Variants in MAP3K10 observed in about 807,000 individuals in gnomAD.
MAP3K10 encodes mitogen-activated protein kinase kinase kinase 10.
A neutral mutation model predicts 75.0 loss-of-function variants in MAP3K10; 22 were observed. That is an observed-to-expected ratio of 0.29 (90% CI 0.21 to 0.42). The LOEUF (loss-of-function observed/expected upper bound fraction) is 0.42, where lower values mean the gene tolerates loss of function less well. MAP3K10 is among the 10% of genes least tolerant of loss of function. The probability of loss-of-function intolerance (pLI) is 1.00; values close to 1 mark genes in which losing one functional copy is unlikely to be tolerated. For synonymous variants in MAP3K10, 599 were observed against 612.9 expected (o/e 0.98, Z 0.34); for missense variants, 1,165 against 1,379.8 (o/e 0.84, Z 2.47).
At chr19:40,208,363 T>TTTTTTTTTTTTTTTTTTTA (rs1555756664) in intron 5 of MAP3K10, among the ~76,000 whole-genome samples, 13 of 111,924 alleles carry the variant, frequency 1.2e-4, no homozygotes, top group African/African-American at 2.5e-4. Context: ...TTTTTTTTTT[T>TTTTTTTTTTTTTTTTTTTA]TTTTTTGTAT....
rs1438297617 is a variant in MAP3K10 at position 40,198,185 on chromosome 19, C to G, written c.683-190C>G. 6.6e-6 allele frequency among the ~76,000 whole-genome samples: 1 copy of G among 152,114 alleles called. No homozygotes were observed. Among genetic ancestry groups the G allele is most frequent in the African/African-American group, 2.4e-5 (1 of 41,418 alleles). ...GGAGCTCCCTACTCCCTCATGGGAG[C>G]CTGGGACAGGGATTAGACCTGGGCG... On this transcript the variant is annotated intron_variant, in intron 1 of 9. Coordinates refer to ENST00000253055, the MANE Select transcript of MAP3K10 (RefSeq NM_002446.4). The surrounding 1 kb of genome is among the most constrained non-coding windows in gnomAD (Gnocchi z 4.3).
chr19:40,201,875 G>A (rs1241142973), intron 2 of MAP3K10, among the ~76,000 whole-genome samples: 2 of 145,522 alleles, frequency 1.4e-5, no homozygotes, highest in African/African-American at 5.1e-5. Flanking sequence ...AGGTATACAT[G>A]TGCCATGGTA....
chr19:40,208,378 A>C (rs1236130679), intron 5 of MAP3K10, among the ~76,000 whole-genome samples: 1 of 20,526 alleles, frequency 4.9e-5, no homozygotes, highest in Non-Finnish European at 1.3e-4. Flanking sequence ...TTGTATTTTT[A>C]GTAGAGACAG....
chr19:40,210,269 A>AAAAAAC (rs1163284243), intron 6 of MAP3K10, among the ~76,000 whole-genome samples: 2 of 151,982 alleles, frequency 1.3e-5, no homozygotes, highest in Non-Finnish European at 1.5e-5. Flanking sequence ...TCCGTCTCAA[A>AAAAAAC]AAAAACAAAA....
intron 9 of MAP3K10, among the ~76,000 whole-genome samples, chr19:40,214,636 T>G (rs970483839): frequency 6.6e-6 from 1 of 152,182 alleles, no homozygotes; most frequent in African/African-American, 2.4e-5. Flanking sequence ...GGCACCATTT[T>G]TATCCCCCTT....
Position 40,214,149 on chromosome 19 carries a change from G to T in MAP3K10, c.2470G>T (p.Gly824Trp). 1 of 1,535,690 alleles carries T rather than the reference G, an allele frequency of 6.5e-7. No individual in the cohort carries two copies. Among genetic ancestry groups the T allele is most frequent in the Non-Finnish European group, 8.7e-7 (1 of 1,150,078 alleles). Reference sequence around the variant, plus strand: ...CACGGCTGCATGCGCTGTGAGCCGCGGGCACCGGCGGACGCCATCGGACGG... The same window carrying T: ...CACGGCTGCATGCGCTGTGAGCCGCTGGCACCGGCGGACGCCATCGGACGG... ...HVTAACAVSR[G>W]HRRTPSDGAL... is the part of the protein sequence containing the mutation. The change falls in exon 9 of 10, where the codon GGG (glycine) becomes TGG (tryptophan). Residue 824 changes from glycine to tryptophan, a missense_variant. Transcript: ENST00000253055.
rs779334929 is a variant in MAP3K10, at chr19:40,213,083, G to T, written c.1732G>T (p.Gly578Trp). The change falls in exon 8 of 10, where the codon GGG (glycine) becomes TGG (tryptophan). Residue 578 changes from glycine (G) to tryptophan (W), a missense_variant. Transcript: ENST00000253055. This position sits in a 1 kb window ranked among gnomAD's most constrained non-coding sequence, Gnocchi z 5.7. ...ERVGGEERLK[G>W]LGEGSKQWSS... ...TCTCCCTGGACCCCGCAGGCTGAAGGGGCTGGGGGAAGGAAGCAAACAGTG... is the reference window on the plus strand; with the variant it reads ...TCTCCCTGGACCCCGCAGGCTGAAGTGGCTGGGGGAAGGAAGCAAACAGTG... 3 of 1,607,366 alleles carry T rather than the reference G, an allele frequency of 1.9e-6. No individual in the cohort carries two copies. In the East Asian group the frequency reaches 6.7e-5, roughly 36 times the overall value.
At chr19:40,206,994 GA>G (rs1209935094) in intron 5 of MAP3K10, among the ~76,000 whole-genome samples, 6 of 152,084 alleles carry the variant, frequency 3.9e-5, no homozygotes, top group African/African-American at 1.4e-4. Flanking sequence ...AGTTACTTGG[GA>G]GGCTGAGGCA....
At position 40,204,329 on chromosome 19, in the gene MAP3K10, CA is replaced by C. The variant is rs1335864837; in HGVS notation, c.864-154del. ...CAAACCCACCCCATCTATTGGAGAA[CA>C]AGGCCATGGAGGTCAAAGCAAGTTC... is the stretch of plus-strand genomic sequence containing the variant. On this transcript the variant is annotated intron_variant, in intron 2 of 9. Coordinates refer to ENST00000253055, the MANE Select transcript of MAP3K10 (RefSeq NM_002446.4). The surrounding 1 kb of genome is among the most constrained non-coding windows in gnomAD (Gnocchi z 4.3). Among the ~76,000 whole-genome samples the C allele has an allele frequency of 6.6e-6, 1 of 152,152 alleles. No homozygotes were observed. The highest frequency in any genetic ancestry group is 1.5e-5 in the Non-Finnish European group (1 of 68,024).
chr19:40,210,219 A>G (rs1187427073), intron 6 of MAP3K10, among the ~76,000 whole-genome samples: 1 of 152,188 alleles, frequency 6.6e-6, no homozygotes, highest in African/African-American at 2.4e-5. Context: ...GTGAGCCGAG[A>G]TAGCGTCACT....
At position 40,205,073 on chromosome 19, in the gene MAP3K10, C is replaced by A. The variant is rs1347036894; in HGVS notation, c.1013-48C>A. The A allele has an allele frequency of 1.9e-6, 3 of 1,559,738 alleles. No individual in the cohort carries two copies. Among genetic ancestry groups the A allele is most frequent in the African/African-American group, 2.7e-5 (2 of 73,784 alleles). Reference sequence around the variant, plus strand: ...GCAGGCTGAGTCCCCAGAGCATGACCACTGACACCTCCATGCCCCACCACT... The same window carrying A: ...GCAGGCTGAGTCCCCAGAGCATGACAACTGACACCTCCATGCCCCACCACT... On this transcript the variant is annotated intron_variant, in intron 3 of 9. Transcript: ENST00000253055. This position sits in a 1 kb window ranked among gnomAD's most constrained non-coding sequence, Gnocchi z 4.3.
Position 40,215,217 on chromosome 19 carries a change from A to G in MAP3K10, c.2790A>G (p.Thr930=), listed in dbSNP as rs1404497349. Residue 930 remains threonine (T), a synonymous_variant, in exon 10 of 10, where the codon ACA becomes ACG. Transcript: ENST00000253055. ...CTGGGCCCCCCAGCGTGCAGCCCAC[A>G]CTGCTGGACATGGACATGGAGGGGC... ...ESPGPPSVQP[T]LLDMDMEGQN... is the part of the protein sequence containing the mutation. 6.4e-7 allele frequency: 1 copy of G among 1,570,298 alleles called. No homozygotes were observed. The highest frequency in any genetic ancestry group is 1.4e-5 in the African/African-American group (1 of 73,466).
In MAP3K10 at chr19:40,212,722, G is replaced by A. The variant is rs1599916610; in HGVS notation, c.1553-83G>A. 3 of 1,529,098 alleles carry A rather than the reference G, an allele frequency of 2.0e-6. No homozygotes were observed. Among genetic ancestry groups the A allele is most frequent in the Non-Finnish European group, 1.8e-6 (2 of 1,134,804 alleles). The allele number at this position is 1,529,098 out of a possible 1,614,324, so 94.7% of individuals were successfully genotyped here. A position where few individuals can be genotyped will look rare whatever the true frequency, so the allele number is the denominator to read the frequency against. On this transcript the variant is annotated intron_variant, in intron 6 of 9. Coordinates refer to ENST00000253055, the MANE Select transcript of MAP3K10 (RefSeq NM_002446.4). The surrounding 1 kb of genome is among the most constrained non-coding windows in gnomAD (Gnocchi z 4.2). ...CCTTGGACTCCCAGGCGGAGGGTGGGCCTGAGCTGGGGGCACTGGAGGCTG... is the reference window on the plus strand; with the variant it reads ...CCTTGGACTCCCAGGCGGAGGGTGGACCTGAGCTGGGGGCACTGGAGGCTG...
rs551691594 is a variant in MAP3K10, at chr19:40,212,469, C to T, written c.1553-336C>T. 6.6e-6 allele frequency among the ~76,000 whole-genome samples: 1 copy of T among 152,248 alleles called. No homozygotes were observed. The highest frequency in any genetic ancestry group is 1.9e-4 in the East Asian group (1 of 5,188). On this transcript the variant is annotated intron_variant, in intron 6 of 9. Transcript: ENST00000253055. The surrounding 1 kb of genome is among the most constrained non-coding windows in gnomAD (Gnocchi z 4.2). ...CAGGTACAGAGATGAAGGCAGCTGA[C>T]CCCCAGGGAACTAACTACCCAGAGC... is the stretch of plus-strand genomic sequence containing the variant.
chr19:40,200,853 G>A (rs1404036312), intron 2 of MAP3K10, among the ~76,000 whole-genome samples: 1 of 151,628 alleles, frequency 6.6e-6, no homozygotes, highest in Non-Finnish European at 1.5e-5. Flanking sequence ...CAGGTGATCC[G>A]CCCGCCTCAG....
rs1352217644 is a variant in MAP3K10, at chr19:40,214,204, C to T, written c.2525C>T (p.Pro842Leu). 7.0e-7 allele frequency: 1 copy of T among 1,429,404 alleles called. No individual in the cohort carries two copies. The highest frequency in any genetic ancestry group is 3.0e-5 in the Admixed American group (1 of 32,986). 88.5% of individuals were successfully genotyped at this position (1,429,404 alleles called of 1,614,324 possible). A position where few individuals can be genotyped will look rare whatever the true frequency, so the allele number is the denominator to read the frequency against. The change falls in exon 9 of 10, where the codon CCC (proline) becomes CTC (leucine). Residue 842 changes from proline (P) to leucine (L), a missense_variant. By Grantham distance (98) the Pro-to-Leu change is moderately conservative (BLOSUM62 -3). This residue lies in a region of MAP3K10 where 590 missense variants were observed against 586.6 expected (regional missense o/e 1.01). Coordinates refer to ENST00000253055, the MANE Select transcript of MAP3K10 (RefSeq NM_002446.4). The part of the protein sequence containing the change: ...GALGQRGPPE[P>L]AGHGPGPRDL... ...CTGGGGCAGCGGGGGCCGCCCGAGC[C>T]CGCGGGCCATGGCCCTGGTGAGTGA...
intron 6 of MAP3K10, 60 bp downstream of exon 6, chr19:40,209,279 C>T (rs1011717114): frequency 9.0e-5 from 123 of 1,369,396 alleles, no homozygotes; most frequent in African/African-American, 5.3e-4. Flanking sequence ...TTTTTTAGCA[C>T]GATGTTTATA....
intron 9 of MAP3K10, among the ~76,000 whole-genome samples, 165 bp from the exon 10 acceptor site, chr19:40,214,805 G>A (rs1973320025): frequency 6.6e-6 from 1 of 152,152 alleles, no homozygotes; most frequent in Admixed American, 6.5e-5. Context: ...CCCAGTCTAG[G>A]TCAAGGTCCC....
At position 40,206,200 on chromosome 19, in the gene MAP3K10, G is replaced by A. The variant is rs376427920; in HGVS notation, c.1435+43G>A. The A allele has an allele frequency of 2.3e-4, 357 of 1,543,686 alleles. 1 individual carries two copies. The Middle Eastern group carries it at 3.5e-3, about 15-fold the overall frequency. On this transcript the variant is annotated intron_variant, in intron 5 of 9. Coordinates refer to ENST00000253055, the MANE Select transcript of MAP3K10 (RefSeq NM_002446.4). ...CAGAGCGCCCCCCAAGAGGCTGCTG[G>A]GAGCAGCCCCGACCTAGGATTTATC...
Sources: gnomAD v4.1 joint callset for allele counts (sites outside exome capture counted in the v4.1 genomes callset) on GRCh38, gnomAD v4.1.1 for gene constraint, gnomAD v4.1.1 regional missense constraint, Gnocchi (gnomAD v3.1) non-coding constraint, MANE v1.5 for transcripts, NCBI Gene and HGNC (gene_info 2026-07-23, HGNC 2026-07-21) for gene names.